The following SCAI variants were observed in gnomAD, a reference collection of about 807,000 sequenced individuals.
The protein encoded by SCAI is protein SCAI.
Under a neutral mutation model 92.2 loss-of-function variants are expected in SCAI, and 24 were observed. That is an observed-to-expected ratio of 0.26 (90% CI 0.19 to 0.37). The LOEUF (loss-of-function observed/expected upper bound fraction) is 0.37, where lower values mean the gene tolerates loss of function less well. Ranked by LOEUF, SCAI falls within the 10% of genes least tolerant of loss-of-function variation. The pLI, the probability that SCAI is intolerant of heterozygous loss-of-function variation, is 1.00. For synonymous variants in SCAI, 261 were observed against 258.6 expected, an observed-to-expected ratio of 1.01 and a Z score of -0.09; for missense variants, 450 against 736.2, an observed-to-expected ratio of 0.61 and a Z score of 4.50.
chr9:125,098,802 C>A (rs930571081), intron 2 of SCAI, among the ~76,000 whole-genome samples: 2 of 152,138 alleles, frequency 1.3e-5, no homozygotes, highest in Non-Finnish European at 2.9e-5. Flanking sequence ...ATGCCAAAAG[C>A]AATTACTCAG....
intron 3 of SCAI, among the ~76,000 whole-genome samples, chr9:125,038,009 C>T (rs1163061948): frequency 6.6e-6 from 1 of 152,086 alleles, no homozygotes; most frequent in Non-Finnish European, 1.5e-5. Context: ...GTAATCCCAG[C>T]ACTTTGAGGG....
chr9:125,124,637 G>GT (rs1659571129), intron 2 of SCAI, among the ~76,000 whole-genome samples: 1 of 152,150 alleles, frequency 6.6e-6, no homozygotes, highest in Admixed American at 6.6e-5. Context: ...AAGGGTATCC[G>GT]TTTTACTCAA....
At chr9:125,068,632 G>C (rs960289534) in intron 2 of SCAI, among the ~76,000 whole-genome samples, 1 of 152,086 alleles carries the variant, frequency 6.6e-6, no homozygotes, top group Admixed American at 6.6e-5. Context: ...AGACCAGCCT[G>C]AATAACATGG....
At position 124,974,641 on chromosome 9, in the gene SCAI, T is replaced by C. The variant is rs534301898; in HGVS notation, c.1399+1473A>G. Reference sequence around the variant, plus strand: ...ACATTTCTCACAGAAGAATTTTGAATCTGCTTTTGTAACTGAACAATTAAT... The same window carrying C: ...ACATTTCTCACAGAAGAATTTTGAACCTGCTTTTGTAACTGAACAATTAAT... On this transcript the variant is annotated intron_variant, in intron 15 of 17. Coordinates refer to ENST00000336505, the MANE Select transcript of SCAI (RefSeq NM_001144877.3). 2.6e-5 allele frequency among the ~76,000 whole-genome samples: 4 copies of C among 152,304 alleles called. No homozygotes were observed. The East Asian group carries it at 7.7e-4, about 29-fold the overall frequency.
chr9:125,119,196 G>C (rs574256563), intron 2 of SCAI, among the ~76,000 whole-genome samples: 1 of 152,118 alleles, frequency 6.6e-6, no homozygotes, highest in African/African-American at 2.4e-5. Context: ...CCAATATTTT[G>C]TGGCAGGTAA....
chr9:125,000,000 C>A lies in SCAI; in HGVS notation c.1145-10G>T, dbSNP rs371452406. The A allele has an allele frequency of 1.8e-4, 242 of 1,369,726 alleles. 2 individuals carry two copies. Among genetic ancestry groups the A allele is most frequent in the Non-Finnish European group, 2.1e-4 (208 of 980,574 alleles). 84.8% of individuals were successfully genotyped at this position (1,369,726 alleles called of 1,614,324 possible). The stretch of plus-strand genomic sequence containing the variant: ...CCAAAATCATAAGGACCTATAAAAA[C>A]AAAGGGAAGAATCCTAGACTTCAGT... On this transcript the variant is annotated splice_polypyrimidine_tract_variant and intron_variant, in intron 12 of 17. Transcript: ENST00000336505.
intron 14 of SCAI, among the ~76,000 whole-genome samples, chr9:124,989,450 G>A (rs896659320): frequency 2.6e-5 from 4 of 152,086 alleles, no homozygotes; most frequent in Non-Finnish European, 2.9e-5. Context: ...GCGTGGTGGT[G>A]TGCGCCTGTA....
intron 2 of SCAI, among the ~76,000 whole-genome samples, chr9:125,101,221 C>T (rs185871625): frequency 3.4e-4 from 52 of 152,196 alleles, no homozygotes; most frequent in African/African-American, 1.1e-3. Flanking sequence ...AAATGAGGAG[C>T]CAATGGAGCG....
chr9:125,032,170 A>AAT lies in SCAI; in HGVS notation c.231-2433_231-2432dup, dbSNP rs1195663083. Reference sequence around the variant, plus strand: ...CACTCAAATGTTTAATAGTAAAATGAATATATATATATATATATATATATA... The same window carrying AAT: ...CACTCAAATGTTTAATAGTAAAATGAATATATATATATATATATATATATATA... On this transcript the variant is annotated intron_variant, in intron 3 of 17. Transcript: ENST00000336505. Among the ~76,000 whole-genome samples the AAT allele has an allele frequency of 7.8e-3, 920 of 118,606 alleles. 18 individuals are homozygous for AAT. Among genetic ancestry groups the AAT allele is most frequent in the East Asian group, 0.037 (143 of 3,884 alleles). 77.8% of individuals were successfully genotyped at this position (118,606 alleles called of 152,430 possible).
chr9:125,024,564 T>C (rs1005643089), intron 6 of SCAI, among the ~76,000 whole-genome samples: 3 of 152,190 alleles, frequency 2.0e-5, no homozygotes, highest in African/African-American at 4.8e-5. Flanking sequence ...TGTGAGCCAC[T>C]GTACCCGGCC....
chr9:125,099,773 A>G (rs1421841178), intron 2 of SCAI, among the ~76,000 whole-genome samples: 1 of 152,210 alleles, frequency 6.6e-6, no homozygotes, highest in African/African-American at 2.4e-5. Context: ...AGTACTTTGT[A>G]TAAGTGGAAT....
intron 2 of SCAI, among the ~76,000 whole-genome samples, chr9:125,061,436 A>G (rs928527216): frequency 2.0e-5 from 3 of 152,128 alleles, no homozygotes; most frequent in Non-Finnish European, 4.4e-5. Context: ...ATAGTTTTGG[A>G]CAAAGTAATA....
chr9:124,995,490 A>T (rs77814547), intron 13 of SCAI, among the ~76,000 whole-genome samples: 15 of 147,602 alleles, frequency 1.0e-4, no homozygotes, highest in African/African-American at 2.5e-4. Context: ...TACTATCACT[A>T]TTTTTTTTTT....
chr9:125,099,430 C>T (rs940631165), intron 2 of SCAI, among the ~76,000 whole-genome samples: 10 of 152,044 alleles, frequency 6.6e-5, no homozygotes, highest in Non-Finnish European at 1.0e-4. Flanking sequence ...GAGATGTGCG[C>T]TACCATGCCT....
intron 11 of SCAI, among the ~76,000 whole-genome samples, chr9:125,002,905 C>T (rs1832393258): frequency 2.0e-5 from 3 of 149,322 alleles, no homozygotes; most frequent in African/African-American, 7.4e-5. Flanking sequence ...CATTCCCAAA[C>T]AGCTATTTCA....
rs188185546 is a variant in SCAI, at chr9:124,945,877, T to C, written c.*6930A>G. 1 of 152,264 alleles carries C rather than the reference T, an allele frequency of 6.6e-6. No individual in the cohort carries two copies. The highest frequency in any genetic ancestry group is 2.4e-5 in the African/African-American group (1 of 41,550). 9.4% of individuals were successfully genotyped at this position (152,264 alleles called of 1,614,324 possible). A position where few individuals can be genotyped will look rare whatever the true frequency, so the allele number is the denominator to read the frequency against. ...AAGATGAATCACTTTTTTTTTTAAG[T>C]GGTCCCATTATCCAGGAAAGACTGA... is the stretch of plus-strand genomic sequence containing the variant. On this transcript the variant is annotated 3_prime_UTR_variant, in exon 18 of 18. Transcript: ENST00000336505.
intron 14 of SCAI, among the ~76,000 whole-genome samples, chr9:124,992,004 C>T (rs567403786): frequency 1.3e-5 from 2 of 152,236 alleles, no homozygotes; most frequent in Admixed American, 1.3e-4. Flanking sequence ...CATCTTTGAA[C>T]TCCTGGGCTC....
intron 9 of SCAI, among the ~76,000 whole-genome samples, chr9:125,017,991 A>T (rs1832796315): frequency 1.3e-5 from 2 of 152,046 alleles, no homozygotes; most frequent in African/African-American, 4.8e-5. Context: ...CCTGAGTGAC[A>T]AAGCAAGACT....
At chr9:125,026,772 G>A (rs1832973434) in intron 6 of SCAI, 40 bp downstream of exon 6, 2 of 1,029,992 alleles carry the variant, frequency 1.9e-6, no homozygotes, top group Middle Eastern at 2.2e-4. Flanking sequence ...AAGACTGAAT[G>A]TTTTATCCTC....
Sources: allele counts gnomAD v4.1 joint callset (sites outside exome capture counted in the v4.1 genomes callset), GRCh38; gene constraint gnomAD v4.1.1; transcripts MANE v1.5; gene names NCBI Gene and HGNC (gene_info 2026-07-23, HGNC 2026-07-21).